RNASE4: variants seen among roughly 807,000 people sequenced by gnomAD.
RNASE4 encodes ribonuclease 4.
For missense variants in RNASE4, 194 were observed against 192.8 expected (o/e 1.01, Z -0.04); for synonymous variants, 93 against 71.4 (o/e 1.30, Z -1.52).
chr14:20,693,014 A>AT lies in RNASE4; in HGVS notation c.-17-6335dup, dbSNP rs546936827. On this transcript the variant is annotated intron_variant, in intron 1 of 1. Transcript: ENST00000555835. ...AGGCGCCCGCCACTACGCCCGGCTA[A>AT]TTTTTTGTATTTTTAGTAGAGACGG... Among the ~76,000 whole-genome samples, 9 of 151,386 alleles carry AT rather than the reference A, an allele frequency of 5.9e-5. No individual in the cohort carries two copies. In the South Asian group the frequency reaches 1.9e-3, roughly 32 times the overall value.
At chr14:20,690,598 A>T (rs1886695632) in intron 1 of RNASE4, among the ~76,000 whole-genome samples, 1 of 152,178 alleles carries the variant, frequency 6.6e-6, no homozygotes, top group Non-Finnish European at 1.5e-5. Flanking sequence ...ACAGGCCCCC[A>T]ACTAAACTTA....
intron 1 of RNASE4, among the ~76,000 whole-genome samples, chr14:20,690,741 A>G (rs77628263): frequency 0.012 from 1,840 of 152,324 alleles, 53 homozygotes; most frequent in East Asian, 0.1. Context: ...TTCTTGATGA[A>G]CAAACCTAGG....
At chr14:20,696,733 A>G (rs1887104923) in intron 1 of RNASE4, among the ~76,000 whole-genome samples, 1 of 126,186 alleles carries the variant, frequency 7.9e-6, no homozygotes, top group African/African-American at 2.9e-5. Flanking sequence ...GGAAGTGGTA[A>G]AAAAAAAAAA....
At chr14:20,690,239 A>AAAAAAAAAAAAAAG (rs1886667469) in intron 1 of RNASE4, among the ~76,000 whole-genome samples, 1 of 149,732 alleles carries the variant, frequency 6.7e-6, no homozygotes, top group African/African-American at 2.5e-5. Context: ...AAAAAAAAAA[A>AAAAAAAAAAAAAAG]AAAAAAAAAG....
rs1161422728 is a variant in RNASE4, at chr14:20,699,578, CT to C, written c.209del (p.Phe70SerfsTer28). Reference sequence around the variant, plus strand: ...AGATGACTTTGTATCACTGCAAGCGCTTCAACACCTTCATCCATGAAGATAT... The same window carrying C: ...AGATGACTTTGTATCACTGCAAGCGCTCAACACCTTCATCCATGAAGATAT... Reference protein sequence around the residue: ...RKMTLYHCKRFNTFIHEDIWN... With the variant: ...RKMTLYHCKRXNTFIHEDIWN... On this transcript the variant is annotated frameshift_variant, in exon 2 of 2. Transcript: ENST00000555835. LOFTEE classifies it low-confidence loss of function (END_TRUNC). The C allele has an allele frequency of 6.2e-7, 1 of 1,614,082 alleles. No individual in the cohort carries two copies. Among genetic ancestry groups the C allele is most frequent in the Non-Finnish European group, 8.5e-7 (1 of 1,180,050 alleles).
chr14:20,689,169 C>T (rs1036172040), intron 1 of RNASE4, among the ~76,000 whole-genome samples: 1 of 152,158 alleles, frequency 6.6e-6, no homozygotes, highest in Non-Finnish European at 1.5e-5. Flanking sequence ...AGTCCTCCCC[C>T]GTCGTCCACC....
chr14:20,689,381 G>T (rs147613121), intron 1 of RNASE4, among the ~76,000 whole-genome samples: 1 of 152,338 alleles, frequency 6.6e-6, no homozygotes, highest in Non-Finnish European at 1.5e-5. Context: ...ATAAAGGGAT[G>T]AATATGCCTT....
At chr14:20,693,401 A>T in intron 1 of RNASE4, 1 of 1,054,818 alleles carries the variant, frequency 9.5e-7, no homozygotes, top group Non-Finnish European at 1.4e-6. Context: ...TGTGAGGTTA[A>T]TGAGGAAGGG....
chr14:20,692,916 C>G (rs1042082332), intron 1 of RNASE4, among the ~76,000 whole-genome samples: 3 of 152,182 alleles, frequency 2.0e-5, no homozygotes, highest in Admixed American at 1.3e-4. Context: ...GGCGCGATCT[C>G]GGCTCACTGC....
intron 1 of RNASE4, chr14:20,694,304 T>TG: frequency 2.5e-6 from 1 of 393,184 alleles, no homozygotes; most frequent in East Asian, 5.6e-5. Flanking sequence ...TTCGTTTTTT[T>TG]TTTTTTTTTT....
chr14:20,688,761 C>G, intron 1 of RNASE4: 1 of 985,302 alleles, frequency 1.0e-6, no homozygotes, highest in Non-Finnish European at 1.2e-6. Flanking sequence ...ATAATCAGAA[C>G]CTGGAGAGGC....
chr14:20,685,218 G>C (rs562550675), intron 1 of RNASE4, among the ~76,000 whole-genome samples: 2 of 152,256 alleles, frequency 1.3e-5, no homozygotes, highest in South Asian at 4.1e-4. Flanking sequence ...CCCTCAGCCA[G>C]TGTTGTGCAA....
intron 1 of RNASE4, among the ~76,000 whole-genome samples, chr14:20,693,067 T>G (rs1368237153): frequency 6.6e-6 from 1 of 151,778 alleles, no homozygotes; most frequent in African/African-American, 2.4e-5. Flanking sequence ...CAGGATGGTC[T>G]CGATCTCCTG....
chr14:20,688,792 A>C (rs989416936), intron 1 of RNASE4: 2 of 985,256 alleles, frequency 2.0e-6, no homozygotes, highest in African/African-American at 3.5e-5. Flanking sequence ...ACACAACTGG[A>C]ACCCATCTCC....
At chr14:20,697,586 A>C (rs1395995099) in intron 1 of RNASE4, among the ~76,000 whole-genome samples, 1 of 152,224 alleles carries the variant, frequency 6.6e-6, no homozygotes, top group Non-Finnish European at 1.5e-5. Flanking sequence ...TCAATAATGA[A>C]AAGGTAGCCT....
At chr14:20,693,627 G>A in intron 1 of RNASE4, 1 of 1,614,062 alleles carries the variant, frequency 6.2e-7, no homozygotes, top group Non-Finnish European at 8.5e-7. Flanking sequence ...TGACCCCACC[G>A]ACCCTGGCTC....
At chr14:20,696,730 G>C (rs1887104237) in intron 1 of RNASE4, among the ~76,000 whole-genome samples, 1 of 149,116 alleles carries the variant, frequency 6.7e-6, no homozygotes, top group South Asian at 2.1e-4. Context: ...AATGGAAGTG[G>C]TAAAAAAAAA....
chr14:20,699,227 G>C, intron 1 of RNASE4, 128 bp from the exon 2 acceptor site: 8 of 716,760 alleles, frequency 1.1e-5, no homozygotes, highest in Non-Finnish European at 1.6e-5. Flanking sequence ...GATGAGTGGG[G>C]AGATGGTGCA....
chr14:20,694,089 A>C lies in RNASE4; in HGVS notation c.-17-5266A>C, dbSNP rs550007170. ...CTGCACCCAGAACAGTGGTGGCAAC[A>C]TTCATTGCCAAGGGCCCAAAGAAAG... is the stretch of plus-strand genomic sequence containing the variant. On this transcript the variant is annotated intron_variant, in intron 1 of 1. Transcript: ENST00000555835. 1,946 of 1,499,086 alleles carry C rather than the reference A, an allele frequency of 1.3e-3. 3 individuals are homozygous for C. The highest frequency in any genetic ancestry group is 1.6e-3 in the Non-Finnish European group (1,668 of 1,075,626). 92.9% of individuals were successfully genotyped at this position (1,499,086 alleles called of 1,614,324 possible).
Sources: allele counts gnomAD v4.1 joint callset (sites outside exome capture counted in the v4.1 genomes callset), GRCh38; gene constraint gnomAD v4.1.1; transcripts MANE v1.5; gene names NCBI Gene and HGNC (gene_info 2026-07-23, HGNC 2026-07-21).